The following QTRT2 variants were observed in gnomAD, a reference collection of about 807,000 sequenced individuals.
QTRT2 encodes the protein queuine tRNA-ribosyltransferase accessory subunit 2.
A neutral mutation model predicts 44.8 loss-of-function variants in QTRT2; 32 were observed. That is an observed-to-expected ratio of 0.71 (90% confidence interval 0.54 to 0.96). QTRT2 has a LOEUF of 0.96. QTRT2 is among the 40% of genes least tolerant of loss of function. QTRT2 has a pLI of 0.00. For synonymous variants in QTRT2, 182 were observed against 187.4 expected (o/e 0.97, Z 0.24); for missense variants, 461 against 503.1 (o/e 0.92, Z 0.80).
Position 114,057,109 on chromosome 3 carries a change from A to T in QTRT2, c.-22+3A>T, listed in dbSNP as rs1054724633. On this transcript the variant is annotated splice_donor_region_variant and intron_variant, in intron 2 of 9. Transcript: ENST00000281273. ...TTTCGACTAGCCTCTGCTGAAAGGT[A>T]GAGTTTTCAGGAAGTTTTTATTCCG... The T allele has an allele frequency of 7.5e-7, 1 of 1,327,008 alleles. No individual in the cohort carries two copies. Among genetic ancestry groups the T allele is most frequent in the African/African-American group, 1.5e-5 (1 of 65,824 alleles). The allele number at this position is 1,327,008 out of a possible 1,614,324, so 82.2% of individuals were successfully genotyped here.
chr3:114,065,240 C>T lies in QTRT2; in HGVS notation c.-18C>T. ...CTTAATGCTCTTTTCTTGACAGGAC[C>T]TAGAAGAATCCCTTAGGATGAAGCT... On this transcript the variant is annotated 5_prime_UTR_variant, in exon 3 of 10. Transcript: ENST00000281273. 1 of 1,612,126 alleles carries T rather than the reference C, an allele frequency of 6.2e-7. No homozygotes were observed. The highest frequency in any genetic ancestry group is 8.5e-7 in the Non-Finnish European group (1 of 1,178,588).
At position 114,086,149 on chromosome 3, in the gene QTRT2, T is replaced by A; in HGVS notation, c.*245T>A. The A allele has an allele frequency of 2.3e-6, 1 of 443,910 alleles. No homozygotes were observed. Among genetic ancestry groups the A allele is most frequent in the Middle Eastern group, 6.6e-4 (1 of 1,504 alleles). 27.5% of individuals were successfully genotyped at this position (443,910 alleles called of 1,614,324 possible). A position where few individuals can be genotyped will look rare whatever the true frequency, so the allele number is the denominator to read the frequency against. ...ACCTTTAAGACTTCTAGACTAATTCTTTTAGTTGATAGAGATTCATTTAGT... is the reference window on the plus strand; with the variant it reads ...ACCTTTAAGACTTCTAGACTAATTCATTTAGTTGATAGAGATTCATTTAGT... On this transcript the variant is annotated 3_prime_UTR_variant, in exon 10 of 10. Coordinates refer to ENST00000281273, the MANE Select transcript of QTRT2 (RefSeq NM_024638.4).
At chr3:114,085,404 C>T (rs547610183) in intron 9 of QTRT2, among the ~76,000 whole-genome samples, 134 of 152,258 alleles carry the variant, frequency 8.8e-4, no homozygotes, top group Non-Finnish European at 1.5e-3. Context: ...GACGGGGTTT[C>T]GCCATATTGG....
chr3:114,073,404 A>G (rs1374215885), intron 6 of QTRT2, among the ~76,000 whole-genome samples: 1 of 151,554 alleles, frequency 6.6e-6, no homozygotes, highest in Non-Finnish European at 1.5e-5. Flanking sequence ...TTTGAGATGG[A>G]GTTTTGTTCT....
Position 114,056,988 on chromosome 3 carries a change from T to G in QTRT2, c.-129-11T>G, listed in dbSNP as rs2076801730. 1.4e-6 allele frequency: 2 copies of G among 1,449,746 alleles called. No homozygotes were observed. The highest frequency in any genetic ancestry group is 2.9e-5 in the African/African-American group (2 of 70,130). The allele number at this position is 1,449,746 out of a possible 1,614,324, so 89.8% of individuals were successfully genotyped here. ...GTACTCCCGCCATGTCTCCTCTGCT[T>G]CCCTTTTCAGGGTGTCCTGGTGGAT... is the stretch of plus-strand genomic sequence containing the variant. On this transcript the variant is annotated splice_polypyrimidine_tract_variant and intron_variant, in intron 1 of 9. Coordinates refer to ENST00000281273, the MANE Select transcript of QTRT2 (RefSeq NM_024638.4).
At chr3:114,075,957 T>C (rs901798146) in intron 6 of QTRT2, among the ~76,000 whole-genome samples, 6 of 152,230 alleles carry the variant, frequency 3.9e-5, no homozygotes, top group Admixed American at 6.5e-5. Context: ...CCATTGAATT[T>C]GTTTTTAAAA....
chr3:114,065,485 A>G (rs2076941137), intron 3 of QTRT2, 28 bp downstream of exon 3: 1 of 1,560,718 alleles, frequency 6.4e-7, no homozygotes, highest in Admixed American at 1.7e-5. Context: ...TGATTCAAGT[A>G]TCAACTGTGG....
chr3:114,056,844 A>G lies in QTRT2; in HGVS notation c.-150A>G. The G allele has an allele frequency of 6.5e-7, 1 of 1,535,848 alleles. No homozygotes were observed. The highest frequency in any genetic ancestry group is 8.7e-7 in the Non-Finnish European group (1 of 1,146,776). On this transcript the variant is annotated 5_prime_UTR_variant, in exon 1 of 10. Transcript: ENST00000281273. Reference sequence around the variant, plus strand: ...GTTTGAGGGGTCTGAAGACTGAAAGAGTCGAATGGTTTGTTGGCAGGTAAG... The same window carrying G: ...GTTTGAGGGGTCTGAAGACTGAAAGGGTCGAATGGTTTGTTGGCAGGTAAG...
chr3:114,061,294 G>T (rs748350381), intron 2 of QTRT2, among the ~76,000 whole-genome samples: 4 of 152,050 alleles, frequency 2.6e-5, no homozygotes, highest in Non-Finnish European at 5.9e-5. Flanking sequence ...GTAAATAATT[G>T]TGCATACTGA....
In QTRT2 at chr3:114,065,419, C is replaced by T. The variant is rs367879010; in HGVS notation, c.162C>T (p.His54=). The T allele has an allele frequency of 1.5e-5, 25 of 1,613,942 alleles. No individual in the cohort carries two copies. The highest frequency in any genetic ancestry group is 2.0e-5 in the Non-Finnish European group (24 of 1,179,986). Residue 54 remains histidine, a synonymous_variant, in exon 3 of 10, where the codon CAC becomes CAT. Transcript: ENST00000281273. ...HLTHHTLHNI[H]GVPAMAQLTL... is the part of the protein sequence containing the mutation. ...CCCATCACACGCTGCATAATATCCACGGGGTTCCTGCCATGGCTCAGCTTA... is the reference window on the plus strand; with the variant it reads ...CCCATCACACGCTGCATAATATCCATGGGGTTCCTGCCATGGCTCAGCTTA...
chr3:114,085,724 T>G lies in QTRT2; in HGVS notation c.1068T>G (p.Cys356Trp). Residue 356 changes from cysteine to tryptophan, a missense_variant, in exon 10 of 10, where the codon TGT (cysteine) becomes TGG (tryptophan). Coordinates refer to ENST00000281273, the MANE Select transcript of QTRT2 (RefSeq NM_024638.4). Reference sequence around the variant, plus strand: ...TGAGAGGATGTTCCTGTTACTGCTGTAAGAATCACACTCGGGCATACATCC... The same window carrying G: ...TGAGAGGATGTTCCTGTTACTGCTGGAAGAATCACACTCGGGCATACATCC... ...PLVRGCSCYC[C>W]KNHTRAYIHH... The G allele has an allele frequency of 6.2e-7, 1 of 1,614,214 alleles. No homozygotes were observed. The highest frequency in any genetic ancestry group is 8.5e-7 in the Non-Finnish European group (1 of 1,180,024).
At chr3:114,068,143 T>A (rs973455344) in intron 5 of QTRT2, 80 bp downstream of exon 5, 8 of 1,100,046 alleles carry the variant, frequency 7.3e-6, no homozygotes. Context: ...GATGCTCAGA[T>A]CCCACTGTCT....
intron 7 of QTRT2, chr3:114,078,042 C>T (rs1283854437): frequency 7.9e-5 from 12 of 152,256 alleles, no homozygotes; most frequent in South Asian, 4.2e-4. Context: ...GAGGAAAGCA[C>T]GTGAATCTTA....
At chr3:114,064,421 T>C (rs1004039039) in intron 2 of QTRT2, among the ~76,000 whole-genome samples, 5 of 152,230 alleles carry the variant, frequency 3.3e-5, no homozygotes, top group African/African-American at 1.2e-4. Context: ...AGTTCTGTAG[T>C]GCATTTTAAA....
chr3:114,068,274 A>T (rs2076980387), intron 5 of QTRT2: 1 of 409,146 alleles, frequency 2.4e-6, no homozygotes, highest in South Asian at 4.3e-5. Flanking sequence ...TATCCTCAGC[A>T]TTTTCATTGT....
intron 7 of QTRT2, chr3:114,078,850 C>CCTTGGA (rs2077127035): frequency 2.0e-5 from 3 of 152,238 alleles, no homozygotes; most frequent in South Asian, 2.1e-4. Context: ...TAAGGATGCT[C>CCTTGGA]AACCTGTACC....
chr3:114,070,768 G>A lies in QTRT2; in HGVS notation c.476G>A (p.Arg159Lys). The A allele has an allele frequency of 1.2e-6, 2 of 1,613,990 alleles. No individual in the cohort carries two copies. Among genetic ancestry groups the A allele is most frequent in the Non-Finnish European group, 8.5e-7 (1 of 1,179,966 alleles). ...VSCKEATSIK[R>K]VRKSVDRSLL... is the part of the protein sequence containing the mutation. ...TGTAAGGAAGCAACTTCCATAAAAAGGGTCAGAAAGTCTGTTGACCGATCA... is the reference window on the plus strand; with the variant it reads ...TGTAAGGAAGCAACTTCCATAAAAAAGGTCAGAAAGTCTGTTGACCGATCA... Residue 159 changes from arginine to lysine, a missense_variant, in exon 6 of 10, where the codon AGG (arginine) becomes AAG (lysine). By Grantham distance (26) the Arg-to-Lys change is conservative (BLOSUM62 2). Transcript: ENST00000281273.
At chr3:114,078,278 G>GAA (rs1559959951) in intron 7 of QTRT2, 1 of 152,180 alleles carries the variant, frequency 6.6e-6, no homozygotes, top group African/African-American at 2.4e-5. Context: ...ACAGATGTCT[G>GAA]TTACTGAATT....
rs750096639 is a variant in QTRT2 at position 114,079,943 on chromosome 3, G to A, written c.784G>A (p.Glu262Lys). 18 of 1,613,614 alleles carry A rather than the reference G, an allele frequency of 1.1e-5. No individual in the cohort carries two copies. The highest frequency in any genetic ancestry group is 9.3e-5 in the African/African-American group (7 of 74,884). The change falls in exon 8 of 10, where the codon GAG becomes AAG. Residue 262 changes from glutamate (E) to lysine (K), a missense_variant. Coordinates refer to ENST00000281273, the MANE Select transcript of QTRT2 (RefSeq NM_024638.4). ...TGTTAGTCGGCCAGATGAGGTGCTC[G>A]AGTGTATTGAAAGAGGAGTGGACTT... ...SGVSRPDEVLECIERGVDLFE... is the reference protein window; with the variant it reads ...SGVSRPDEVLKCIERGVDLFE...
Sources: gnomAD v4.1 joint callset for allele counts (sites outside exome capture counted in the v4.1 genomes callset) on GRCh38, gnomAD v4.1.1 for gene constraint, MANE v1.5 for transcripts, NCBI Gene and HGNC (gene_info 2026-07-23, HGNC 2026-07-21) for gene names.